The following ZNF99 variants were observed in gnomAD, a reference collection of about 807,000 sequenced individuals.
ZNF99 encodes the protein zinc finger protein 99, also known as zinc finger protein ENSP00000375192.
In ZNF99, 8 loss-of-function variants were observed where a neutral mutation model predicts 12.8. That is an observed-to-expected ratio of 0.62 (90% confidence interval 0.37 to 1.13). The LOEUF is 1.13. ZNF99 is among the 50% of genes most tolerant of loss of function. The pLI, the probability that ZNF99 is intolerant of heterozygous loss-of-function variation, is 0.02. For synonymous variants in ZNF99, 318 were observed against 319.0 expected, an observed-to-expected ratio of 1.00 and a Z score of 0.03; for missense variants, 1,007 against 1,006.2, an observed-to-expected ratio of 1.00 and a Z score of -0.01.
At chr19:22,761,232 G>A (rs189190734) in intron 3 of ZNF99, among the ~76,000 whole-genome samples, 2 of 152,148 alleles carry the variant, frequency 1.3e-5, no homozygotes, top group African/African-American at 4.8e-5. Context: ...TAAAAATGAG[G>A]ATACCTCTTC....
At chr19:22,770,724 T>C (rs934400822) in intron 1 of ZNF99, 1 of 151,834 alleles carries the variant, frequency 6.6e-6, no homozygotes, top group African/African-American at 2.4e-5. Context: ...GATGTGCTGA[T>C]GCACACAGAA....
In ZNF99 at chr19:22,758,599, A is replaced by G. The variant is rs1321337492; in HGVS notation, c.1310T>C (p.Phe437Ser). ...CEECGKAFKRFSALRKHKIIH... is the reference protein window; with the variant it reads ...CEECGKAFKRSSALRKHKIIH... ...TATCTTATGTTTTCTAAGGGCTGAG[A>G]AACGCTTAAAAGCTTTGCCACATTC... is the stretch of plus-strand genomic sequence containing the variant. Residue 437 changes from phenylalanine to serine, a missense_variant, in exon 4 of 4, where the codon TTC becomes TCC. Physicochemically the swap from Phe to Ser is radical, Grantham distance 155 (BLOSUM62 -2). Coordinates refer to ENST00000596209, the MANE Select transcript of ZNF99 (RefSeq NM_001080409.3). 6.2e-7 allele frequency: 1 copy of G among 1,611,522 alleles called. No individual in the cohort carries two copies. Among genetic ancestry groups the G allele is most frequent in the Non-Finnish European group, 8.5e-7 (1 of 1,179,310 alleles).
chr19:22,759,992 T>C (rs1356221044), intron 3 of ZNF99, among the ~76,000 whole-genome samples: 1 of 152,096 alleles, frequency 6.6e-6, no homozygotes, highest in Non-Finnish European at 1.5e-5. Flanking sequence ...CAAAATGACA[T>C]GGTGTCGTTA....
rs201902698 is a variant in ZNF99, at chr19:22,760,914, CAA to C, written c.227-1234_227-1233del. On this transcript the variant is annotated intron_variant, in intron 3 of 3. Transcript: ENST00000596209. The stretch of plus-strand genomic sequence containing the variant: ...AAAAAAAAAAAAAAAAAATTTCAAA[CAA>C]GATGCATTCTAAGAACATGTTTGAC... 8.2e-3 allele frequency among the ~76,000 whole-genome samples: 1,042 copies of C among 126,950 alleles called. 12 individuals carry two copies. Among genetic ancestry groups the C allele is most frequent in the African/African-American group, 0.031 (1,003 of 32,688 alleles). 83.3% of individuals were successfully genotyped at this position (126,950 alleles called of 152,430 possible). A position where few individuals can be genotyped will look rare whatever the true frequency, so the allele number is the denominator to read the frequency against.
At position 22,754,949 on chromosome 19, in the gene ZNF99, G is replaced by C. The variant is rs1314071572; in HGVS notation, c.*2365C>G. ...GTGGGCGTGGTGGCACATGCCTATAGTCCCTGCTACTCGGGAGGCTGAGGC... is the reference window on the plus strand; with the variant it reads ...GTGGGCGTGGTGGCACATGCCTATACTCCCTGCTACTCGGGAGGCTGAGGC... On this transcript the variant is annotated 3_prime_UTR_variant, in exon 4 of 4. Transcript: ENST00000596209. 5.7e-6 allele frequency: 1 copy of C among 175,182 alleles called. No homozygotes were observed. The highest frequency in any genetic ancestry group is 1.2e-5 in the Non-Finnish European group (1 of 83,314). 10.9% of individuals were successfully genotyped at this position (175,182 alleles called of 1,614,324 possible). A position where few individuals can be genotyped will look rare whatever the true frequency, so the allele number is the denominator to read the frequency against.
chr19:22,773,023 G>GA (rs1297582389), intron 1 of ZNF99, among the ~76,000 whole-genome samples: 1 of 152,176 alleles, frequency 6.6e-6, no homozygotes, highest in Non-Finnish European at 1.5e-5. Context: ...AAGAGTCACT[G>GA]AAAAAGGTAA....
chr19:22,760,626 C>A (rs532326743), intron 3 of ZNF99, among the ~76,000 whole-genome samples: 2 of 152,130 alleles, frequency 1.3e-5, no homozygotes, highest in South Asian at 4.2e-4. Flanking sequence ...CATCTGTAGT[C>A]CCAGCTACTC....
chr19:22,760,612 C>T (rs34977013), intron 3 of ZNF99, among the ~76,000 whole-genome samples: 15,610 of 151,746 alleles, frequency 0.1, 1,805 homozygotes, highest in African/African-American at 0.29. Flanking sequence ...GGTGTGGTGG[C>T]GGGCATCTGT....
chr19:22,784,090 G>GGCCACAGGAT lies in ZNF99; in HGVS notation c.-75_-74insATCCTGTGGC. 1 of 1,566,240 alleles carries GGCCACAGGAT rather than the reference G, an allele frequency of 6.4e-7. No individual in the cohort carries two copies. The highest frequency in any genetic ancestry group is 8.8e-7 in the Non-Finnish European group (1 of 1,140,238). The stretch of plus-strand genomic sequence containing the variant: ...ACCTACAGGTCACAGGGCCACAGAG[G>GGCCACAGGAT]CTAAGGACACAGAGCAGTAAAAACG... On this transcript the variant is annotated 5_prime_UTR_variant, in exon 1 of 4. Transcript: ENST00000596209.
intron 1 of ZNF99, among the ~76,000 whole-genome samples, chr19:22,771,933 G>C: frequency 1.3e-5 from 2 of 149,762 alleles, no homozygotes; most frequent in Admixed American, 1.3e-4. Flanking sequence ...GGCCAGGCTG[G>C]TCTCGAACTC....
In ZNF99 at chr19:22,754,943, C is replaced by T. The variant is rs1289413819; in HGVS notation, c.*2371G>A. 5.7e-6 allele frequency: 1 copy of T among 174,960 alleles called. No individual in the cohort carries two copies. The highest frequency in any genetic ancestry group is 1.2e-5 in the Non-Finnish European group (1 of 83,062). 10.8% of individuals were successfully genotyped at this position (174,960 alleles called of 1,614,324 possible). ...AATTAGGTGGGCGTGGTGGCACATG[C>T]CTATAGTCCCTGCTACTCGGGAGGC... On this transcript the variant is annotated 3_prime_UTR_variant, in exon 4 of 4. Coordinates refer to ENST00000596209, the MANE Select transcript of ZNF99 (RefSeq NM_001080409.3).
At chr19:22,781,901 A>AACCTTT (rs1280561592) in intron 1 of ZNF99, among the ~76,000 whole-genome samples, 1 of 152,160 alleles carries the variant, frequency 6.6e-6, no homozygotes, top group Non-Finnish European at 1.5e-5. Context: ...TCCAAAGGAA[A>AACCTTT]ACCTTTACCT....
At chr19:22,783,893 A>C in intron 1 of ZNF99, 121 bp downstream of exon 1, 10 of 1,328,822 alleles carry the variant, frequency 7.5e-6, no homozygotes, top group African/African-American at 1.4e-5. Flanking sequence ...GAGCTGGGCA[A>C]GAGCTCGGGG....
rs181313114 is a variant in ZNF99 at position 22,776,842 on chromosome 19, T to A, written c.3+7172A>T. 2.4e-3 allele frequency among the ~76,000 whole-genome samples: 348 copies of A among 142,904 alleles called. 2 individuals are homozygous for A. Among genetic ancestry groups the A allele is most frequent in the Middle Eastern group, 0.022 (6 of 278 alleles). 93.8% of individuals were successfully genotyped at this position (142,904 alleles called of 152,430 possible). A position where few individuals can be genotyped will look rare whatever the true frequency, so the allele number is the denominator to read the frequency against. The stretch of plus-strand genomic sequence containing the variant: ...ACCGAAATGCCTATCAATGGTAAAC[T>A]GGATAAAGAAAATATGGTACAGGTA... On this transcript the variant is annotated intron_variant, in intron 1 of 3. Transcript: ENST00000596209.
intron 1 of ZNF99, chr19:22,773,706 C>G (rs1272498821): frequency 6.6e-6 from 1 of 152,348 alleles, no homozygotes; most frequent in African/African-American, 2.4e-5. Flanking sequence ...TCCCTGAGCA[C>G]TGGGGCTACT....
rs1202737743 is a variant in ZNF99 at position 22,754,119 on chromosome 19, C to T, written c.*3195G>A. 2 of 454,168 alleles carry T rather than the reference C, an allele frequency of 4.4e-6. No homozygotes were observed. Among genetic ancestry groups the T allele is most frequent in the South Asian group, 3.1e-5 (2 of 64,378 alleles). 28.1% of individuals were successfully genotyped at this position (454,168 alleles called of 1,614,324 possible). A position where few individuals can be genotyped will look rare whatever the true frequency, so the allele number is the denominator to read the frequency against. On this transcript the variant is annotated 3_prime_UTR_variant, in exon 4 of 4. Transcript: ENST00000596209. ...TGCTTGTAATCCCAGCACTTTGGGG[C>T]ACTTTGGGAGGCCAAGGCGGGTGGA...
chr19:22,766,663 T>C (rs2145149691), intron 3 of ZNF99, among the ~76,000 whole-genome samples: 1 of 150,604 alleles, frequency 6.6e-6, no homozygotes. Context: ...TTCTTTTTTT[T>C]TTTTTGAGTC....
chr19:22,761,950 T>G (rs1973154957), intron 3 of ZNF99, among the ~76,000 whole-genome samples: 1 of 152,006 alleles, frequency 6.6e-6, no homozygotes, highest in African/African-American at 2.4e-5. Flanking sequence ...ACAACAAAAG[T>G]GATACAACCT....
intron 1 of ZNF99, chr19:22,774,044 G>A (rs1435440847): frequency 3.2e-5 from 5 of 153,948 alleles, no homozygotes. Flanking sequence ...CACTGTGACA[G>A]CCCACCTCTT....
Sources: allele counts gnomAD v4.1 joint callset (sites outside exome capture counted in the v4.1 genomes callset), GRCh38; gene constraint gnomAD v4.1.1; transcripts MANE v1.5; gene names NCBI Gene and HGNC (gene_info 2026-07-23, HGNC 2026-07-21).